Variants in LEF1 observed in about 807,000 individuals in gnomAD.
LEF1 encodes the protein lymphoid enhancer binding factor 1, also known as lymphoid enhancer-binding factor 1.
A neutral mutation model predicts 51.2 loss-of-function variants in LEF1; 14 were observed. The observed-to-expected ratio is 0.27, with a 90% CI of 0.18 to 0.43. The LOEUF is 0.43. Ranked by LOEUF, LEF1 falls within the 20% of genes least tolerant of loss-of-function variation. LEF1 has a pLI of 1.00. For synonymous variants in LEF1, 185 were observed against 183.2 expected, an observed-to-expected ratio of 1.01 and a Z score of -0.08; for missense variants, 386 against 512.0, an observed-to-expected ratio of 0.75 and a Z score of 2.37.
chr4:108,078,145 G>T, intron 8 of LEF1, 75 bp downstream of exon 8: 2 of 1,410,878 alleles, frequency 1.4e-6, no homozygotes, highest in Non-Finnish European at 9.9e-7. Flanking sequence ...CCTGATATGG[G>T]ATTAAATTGG....
intron 3 of LEF1, among the ~76,000 whole-genome samples, chr4:108,153,003 T>A (rs192279538): frequency 1.4e-4 from 22 of 152,362 alleles, no homozygotes; most frequent in Non-Finnish European, 2.5e-4. Flanking sequence ...TCTCACTGAC[T>A]GCAAGTCATG....
chr4:108,078,510 A>G, intron 7 of LEF1, 128 bp from the exon 8 acceptor site: 1 of 1,138,880 alleles, frequency 8.8e-7, no homozygotes, highest in Non-Finnish European at 1.3e-6. Flanking sequence ...CTCACCCCAG[A>G]CCACCACCAA....
At chr4:108,065,567 T>C (rs1392203250) in intron 9 of LEF1, among the ~76,000 whole-genome samples, 1 of 152,170 alleles carries the variant, frequency 6.6e-6, no homozygotes, top group Non-Finnish European at 1.5e-5. Context: ...TATCTGCTCT[T>C]TGCCTCAGTG....
chr4:108,089,371 T>C, intron 3 of LEF1, 114 bp from the exon 4 acceptor site: 5 of 1,110,234 alleles, frequency 4.5e-6, no homozygotes, highest in Non-Finnish European at 6.4e-6. Context: ...AACCCAAGAA[T>C]CACCTTCAGA....
At chr4:108,128,966 A>G (rs1188799674) in intron 3 of LEF1, among the ~76,000 whole-genome samples, 1 of 152,220 alleles carries the variant, frequency 6.6e-6, no homozygotes, top group African/African-American at 2.4e-5. Context: ...AATATTTACC[A>G]AATTACAGGC....
Position 108,127,368 on chromosome 4 carries a change from G to A in LEF1, c.414+36200C>T, listed in dbSNP as rs17038623. ...GTTATTTATAAAGTTGTGCATCTAC[G>A]GAAATGTTTACTGCCTGAATGCTGC... On this transcript the variant is annotated intron_variant, in intron 3 of 11. Coordinates refer to ENST00000265165, the MANE Select transcript of LEF1 (RefSeq NM_016269.5). 5.5e-3 allele frequency among the ~76,000 whole-genome samples: 831 copies of A among 152,218 alleles called. 12 individuals are homozygous for A. Among genetic ancestry groups the A allele is most frequent in the African/African-American group, 0.016 (683 of 41,536 alleles).
chr4:108,049,589 G>A (rs1736846241), intron 11 of LEF1, among the ~76,000 whole-genome samples: 1 of 152,196 alleles, frequency 6.6e-6, no homozygotes, highest in African/African-American at 2.4e-5. Flanking sequence ...TTGAACTTGG[G>A]GAGGCTGCTT....
At chr4:108,162,150 T>A (rs1745102077) in intron 3 of LEF1, among the ~76,000 whole-genome samples, 1 of 152,312 alleles carries the variant, frequency 6.6e-6, no homozygotes. Context: ...TCTTTATCAT[T>A]AAATACTTGA....
intron 1 of LEF1, chr4:108,166,403 G>A (rs1745398596): frequency 7.7e-6 from 11 of 1,434,356 alleles, no homozygotes; most frequent in Non-Finnish European, 9.1e-6. Context: ...AGGAAAAAAA[G>A]GTATATCCTC....
At chr4:108,132,012 G>T (rs1742931655) in intron 3 of LEF1, among the ~76,000 whole-genome samples, 1 of 152,124 alleles carries the variant, frequency 6.6e-6, no homozygotes, top group African/African-American at 2.4e-5. Context: ...TTGACAATTT[G>T]GATGAGGATC....
intron 3 of LEF1, among the ~76,000 whole-genome samples, chr4:108,155,409 C>T (rs1004563964): frequency 1.3e-5 from 2 of 152,132 alleles, no homozygotes; most frequent in South Asian, 2.1e-4. Flanking sequence ...TGTAAAAATA[C>T]GATGACATTC....
intron 3 of LEF1, among the ~76,000 whole-genome samples, chr4:108,091,794 TAGG>T (rs1740044708): frequency 6.6e-6 from 1 of 152,198 alleles, no homozygotes; most frequent in Non-Finnish European, 1.5e-5. Context: ...GATGTGAGGA[TAGG>T]AGGAGTTTAT....
Position 108,048,718 on chromosome 4 carries a change from G to T in LEF1, c.*40C>A. 1 of 1,609,554 alleles carries T rather than the reference G, an allele frequency of 6.2e-7. No homozygotes were observed. The highest frequency in any genetic ancestry group is 8.5e-7 in the Non-Finnish European group (1 of 1,177,648). On this transcript the variant is annotated 3_prime_UTR_variant, in exon 12 of 12. Transcript: ENST00000265165. ...AAGAGGTCCTGGGGTCGCTGCCTTG[G>T]CTTTGCACGTTGGGAATGAGCTTCG...
At chr4:108,135,919 A>G (rs1408894274) in intron 3 of LEF1, among the ~76,000 whole-genome samples, 1 of 152,150 alleles carries the variant, frequency 6.6e-6, no homozygotes, top group Non-Finnish European at 1.5e-5. Context: ...TCCTGCCCAA[A>G]TGTGAACTGT....
chr4:108,135,818 G>A (rs1330919797), intron 3 of LEF1, among the ~76,000 whole-genome samples: 2 of 152,132 alleles, frequency 1.3e-5, no homozygotes, highest in Non-Finnish European at 2.9e-5. Context: ...AACCTGCTTG[G>A]AGCCTGCAAT....
intron 3 of LEF1, among the ~76,000 whole-genome samples, chr4:108,141,678 G>A (rs940718927): frequency 3.9e-5 from 6 of 152,272 alleles, no homozygotes; most frequent in South Asian, 2.1e-4. Context: ...GCAGTTGTGC[G>A]CCCTGGGAAT....
chr4:108,123,907 T>C (rs1246253749), intron 3 of LEF1, among the ~76,000 whole-genome samples: 2 of 152,082 alleles, frequency 1.3e-5, no homozygotes, highest in African/African-American at 4.8e-5. Context: ...TTTGGGAGGC[T>C]GAGACAGGAG....
chr4:108,107,042 A>C (rs935182342), intron 3 of LEF1, among the ~76,000 whole-genome samples: 1 of 152,128 alleles, frequency 6.6e-6, no homozygotes, highest in Non-Finnish European at 1.5e-5. Context: ...TGGAAAATAC[A>C]AAAAAACCCC....
In LEF1 at chr4:108,156,100, G is replaced by A. The variant is rs188512709; in HGVS notation, c.414+7468C>T. ...TGATTCTGAAACATACTTGAAGATG[G>A]TTTTCTTTTTACTAGTATTGTGTTT... On this transcript the variant is annotated intron_variant, in intron 3 of 11. Transcript: ENST00000265165. Among the ~76,000 whole-genome samples, 8 of 152,160 alleles carry A rather than the reference G, an allele frequency of 5.3e-5. No homozygotes were observed. In the East Asian group the frequency reaches 1.5e-3, roughly 29 times the overall value.
Sources: allele counts gnomAD v4.1 joint callset (sites outside exome capture counted in the v4.1 genomes callset), GRCh38; gene constraint gnomAD v4.1.1; transcripts MANE v1.5; gene names NCBI Gene and HGNC (gene_info 2026-07-23, HGNC 2026-07-21).